The following PIGB variants were observed in gnomAD, a reference collection of about 807,000 sequenced individuals.
The protein encoded by PIGB is GPI alpha-1,2-mannosyltransferase 3.
In PIGB, 58 loss-of-function variants were observed where a neutral mutation model predicts 68.4. The ratio of observed to expected loss-of-function variants is 0.85; its 90% CI spans 0.69 to 1.06. The LOEUF is 1.06. Among genes scored for constraint, PIGB ranks in the 50% least tolerant of loss-of-function variants. The pLI is 0.00. For missense variants in PIGB, 634 were observed against 655.8 expected (o/e 0.97, Z 0.36); for synonymous variants, 219 against 220.5 (o/e 0.99, Z 0.06).
rs372928242 is a variant in PIGB at position 55,342,354 on chromosome 15, A to G, written c.1123+552A>G. On this transcript the variant is annotated intron_variant, in intron 9 of 11. Coordinates refer to ENST00000164305, the MANE Select transcript of PIGB (RefSeq NM_004855.5). Reference sequence around the variant, plus strand: ...TTTTTAATGCTTTTACACACAAAACATTTACACTTTTAAAACTCACTCTAA... The same window carrying G: ...TTTTTAATGCTTTTACACACAAAACGTTTACACTTTTAAAACTCACTCTAA... Among the ~76,000 whole-genome samples the G allele has an allele frequency of 1.2e-4, 19 of 152,342 alleles. No homozygotes were observed. The East Asian group carries it at 1.3e-3, about 11-fold the overall frequency.
At chr15:55,319,720 T>C (rs12438915) in intron 1 of PIGB, 7,589 of 227,374 alleles carry the variant, frequency 0.033, 298 homozygotes, top group Admixed American at 0.13. Flanking sequence ...CAACTTTATT[T>C]GGACAAGGCA....
chr15:55,340,680 T>C lies in PIGB; in HGVS notation c.915T>C (p.Ser305=). The part of the protein sequence containing the change: ...VLQNWGTFYG[S]HPWHWYFSQG... ...AGAACTGGGGAACATTTTATGGTTC[T>C]CATCCATGGCACTGGTACTTCAGTC... Residue 305 remains serine (S), a synonymous_variant, in exon 8 of 12, where the codon TCT becomes TCC. Transcript: ENST00000164305. The C allele has an allele frequency of 6.2e-7, 1 of 1,612,870 alleles. No individual in the cohort carries two copies. Among genetic ancestry groups the C allele is most frequent in the South Asian group, 1.1e-5 (1 of 90,804 alleles).
chr15:55,330,322 A>G (rs550522416), intron 5 of PIGB, among the ~76,000 whole-genome samples: 1 of 152,348 alleles, frequency 6.6e-6, no homozygotes, highest in East Asian at 1.9e-4. Flanking sequence ...GTCAGAAGCC[A>G]GAAAGCAAGG....
intron 9 of PIGB, among the ~76,000 whole-genome samples, chr15:55,342,849 A>G (rs928021584): frequency 1.9e-4 from 29 of 152,208 alleles, no homozygotes; most frequent in Admixed American, 1.6e-3. Context: ...TGGTTTGGAA[A>G]AATTACGAAT....
At chr15:55,351,108 T>C (rs1470756638) in intron 10 of PIGB, among the ~76,000 whole-genome samples, 196 bp downstream of exon 10, 2 of 140,070 alleles carry the variant, frequency 1.4e-5, no homozygotes, top group Non-Finnish European at 3.0e-5. Context: ...TAAACTTTTT[T>C]TCTTTTTTTT....
chr15:55,321,646 C>CTTTTTTT (rs966940527), intron 3 of PIGB, among the ~76,000 whole-genome samples: 138 of 68,090 alleles, frequency 2.0e-3, no homozygotes, highest in Admixed American at 2.6e-3. Flanking sequence ...ATACTTCTTT[C>CTTTTTTT]TTTTTTTTTT....
intron 10 of PIGB, among the ~76,000 whole-genome samples, chr15:55,353,924 C>CA (rs1156291088): frequency 2.6e-5 from 4 of 151,516 alleles, no homozygotes; most frequent in Middle Eastern, 3.2e-3. Context: ...CTTTCTATGC[C>CA]ACAATAAAAC....
chr15:55,345,016 C>T (rs995544575), intron 9 of PIGB, among the ~76,000 whole-genome samples: 4 of 151,578 alleles, frequency 2.6e-5, no homozygotes, highest in Admixed American at 2.6e-4. Context: ...CTGCCTCAGC[C>T]TCCAGAGTAG....
intron 7 of PIGB, 142 bp downstream of exon 7, chr15:55,339,460 T>C: frequency 1.7e-6 from 1 of 598,552 alleles, no homozygotes. Flanking sequence ...TTTGGTTCAA[T>C]TTGTTGTGCT....
chr15:55,326,638 G>A (rs968733616), intron 3 of PIGB, among the ~76,000 whole-genome samples: 1 of 152,066 alleles, frequency 6.6e-6, no homozygotes, highest in East Asian at 1.9e-4. Flanking sequence ...AGGCCGAGGC[G>A]GGTGGATCAC....
Position 55,333,985 on chromosome 15 carries a change from C to G in PIGB, c.772C>G (p.Leu258Val), listed in dbSNP as rs377478522. ...CQEPRKLDLI[L>V]HHFLPVGFVT... ...AGAACCAAGAAAGCTTGATCTTATTCTACATCATTTTTTACCTGTAGGGTA... is the reference window on the plus strand; with the variant it reads ...AGAACCAAGAAAGCTTGATCTTATTGTACATCATTTTTTACCTGTAGGGTA... Residue 258 changes from leucine to valine, a missense_variant, in exon 6 of 12, where the codon CTA becomes GTA. Coordinates refer to ENST00000164305, the MANE Select transcript of PIGB (RefSeq NM_004855.5). 1.9e-5 allele frequency: 31 copies of G among 1,603,256 alleles called. No individual in the cohort carries two copies. The highest frequency in any genetic ancestry group is 2.5e-5 in the Non-Finnish European group (29 of 1,175,220).
Position 55,354,927 on chromosome 15 carries a change from T to C in PIGB, c.1467T>C (p.His489=). The change falls in exon 11 of 12, where the codon CAT becomes CAC. Residue 489 remains histidine, a synonymous_variant. Coordinates refer to ENST00000164305, the MANE Select transcript of PIGB (RefSeq NM_004855.5). ...NPLNWLHREF[H]DDASLPTHLI... is the part of the protein sequence containing the mutation. ...TAAACTGGTTACATAGAGAGTTTCA[T>C]GATGATGCATCATTGCCTACTCACT... The C allele has an allele frequency of 6.2e-7, 1 of 1,613,408 alleles. No individual in the cohort carries two copies. The highest frequency in any genetic ancestry group is 8.5e-7 in the Non-Finnish European group (1 of 1,179,568).
chr15:55,329,110 A>C (rs1350161998), intron 4 of PIGB, among the ~76,000 whole-genome samples: 2 of 152,164 alleles, frequency 1.3e-5, no homozygotes, highest in African/African-American at 4.8e-5. Flanking sequence ...AGTTTCTTTT[A>C]ACACATTTGT....
intron 3 of PIGB, among the ~76,000 whole-genome samples, chr15:55,322,030 C>T (rs1032485142): frequency 1.3e-5 from 2 of 151,434 alleles, no homozygotes; most frequent in Non-Finnish European, 2.9e-5. Context: ...CAAAATTAGC[C>T]GGGTGTGGTC....
chr15:55,321,665 T>C (rs1230757837), intron 3 of PIGB, among the ~76,000 whole-genome samples: 1 of 145,240 alleles, frequency 6.9e-6, no homozygotes, highest in African/African-American at 2.5e-5. Flanking sequence ...TTTTTTTTTT[T>C]TTTTTGGGAC....
In PIGB at chr15:55,327,552, C is replaced by T; in HGVS notation, c.439C>T (p.Gln147Ter). 1 of 1,609,346 alleles carries T rather than the reference C, an allele frequency of 6.2e-7. No homozygotes were observed. The highest frequency in any genetic ancestry group is 1.3e-5 in the African/African-American group (1 of 74,844). The change falls in exon 4 of 12, where the codon CAA (glutamine) becomes TAA (stop). Residue 147 changes from glutamine (Q) to a stop codon, truncating the protein, a stop_gained. Transcript: ENST00000164305. LOFTEE classifies it high-confidence loss of function. ...QLLIWIPRLA[Q>*]ALLSAVADVR... is the part of the protein sequence containing the mutation. ...GAAGATTTGGATTCCTAGACTTGCC[C>T]AAGCACTTCTGTCTGCTGTAGCAGA...
In PIGB at chr15:55,340,514, A is replaced by G. The variant is rs28495958; in HGVS notation, c.847-98A>G. ...ACTATTGCCTGGTTTTTAGACTTCA[A>G]TTCTGATTTAATGTCAAAATTGTAT... On this transcript the variant is annotated intron_variant, in intron 7 of 11. Transcript: ENST00000164305. The G allele has an allele frequency of 6.0e-3, 4,407 of 729,402 alleles. 124 individuals are homozygous for G. The African/African-American group carries it at 0.065, about 11-fold the overall frequency. 45.2% of individuals were successfully genotyped at this position (729,402 alleles called of 1,614,324 possible).
chr15:55,341,075 A>C (rs1000612505), intron 8 of PIGB, among the ~76,000 whole-genome samples: 1 of 152,080 alleles, frequency 6.6e-6, no homozygotes, highest in Non-Finnish European at 1.5e-5. Flanking sequence ...AAAAAAAAAA[A>C]AACAGACCAG....
At chr15:55,325,255 G>A (rs907473096) in intron 3 of PIGB, among the ~76,000 whole-genome samples, 2 of 152,064 alleles carry the variant, frequency 1.3e-5, no homozygotes, top group Non-Finnish European at 2.9e-5. Context: ...GAACTTGGGA[G>A]GTGGAGGTTG....
Sources: gnomAD v4.1 joint callset for allele counts (sites outside exome capture counted in the v4.1 genomes callset) on GRCh38, gnomAD v4.1.1 for gene constraint, MANE v1.5 for transcripts, NCBI Gene and HGNC (gene_info 2026-07-23, HGNC 2026-07-21) for gene names.